PXDNL: variants seen among roughly 807,000 people sequenced by gnomAD.
PXDNL encodes peroxidasin like.
PXDNL carries 145 observed loss-of-function variants against 150.8 expected under a neutral mutation model. The observed-to-expected ratio is 0.96, with a 90% CI of 0.84 to 1.10. The LOEUF is 1.10. Ranked by LOEUF, PXDNL falls within the 50% of genes least tolerant of loss-of-function variation. PXDNL has a pLI of 0.00. For synonymous variants in PXDNL, 757 were observed against 725.7 expected, an observed-to-expected ratio of 1.04 and a Z score of -0.69; for missense variants, 2,087 against 1,873.9, an observed-to-expected ratio of 1.11 and a Z score of -2.10.
chr8:51,346,033 G>A, intron 19 of PXDNL, 86 bp from the exon 20 acceptor site: 2 of 790,798 alleles, frequency 2.5e-6, no homozygotes, highest in Non-Finnish European at 2.1e-6. Flanking sequence ...CAGTCAGAGA[G>A]GGCAAGAGTA....
chr8:51,527,129 T>C (rs1026960653), intron 4 of PXDNL, among the ~76,000 whole-genome samples: 1 of 152,194 alleles, frequency 6.6e-6, no homozygotes, highest in African/African-American at 2.4e-5. Context: ...GCCTATTTCT[T>C]GAAGAGTTGC....
intron 19 of PXDNL, among the ~76,000 whole-genome samples, chr8:51,368,485 A>T (rs1213118308): frequency 6.6e-6 from 1 of 152,218 alleles, no homozygotes; most frequent in Non-Finnish European, 1.5e-5. Flanking sequence ...TGCTGGTATC[A>T]GTATTAACCA....
chr8:51,416,268 C>T (rs767142514), intron 14 of PXDNL, among the ~76,000 whole-genome samples: 3 of 152,152 alleles, frequency 2.0e-5, no homozygotes, highest in Non-Finnish European at 2.9e-5. Flanking sequence ...GGACATAGTG[C>T]TATTGAGATG....
chr8:51,334,464 C>A (rs1805783140), intron 21 of PXDNL, among the ~76,000 whole-genome samples: 1 of 151,750 alleles, frequency 6.6e-6, no homozygotes, highest in African/African-American at 2.4e-5. Context: ...AGGAAATTAC[C>A]AAGATCAGAG....
intron 1 of PXDNL, among the ~76,000 whole-genome samples, chr8:51,749,847 C>T (rs574114748): frequency 3.7e-4 from 56 of 152,166 alleles, no homozygotes; most frequent in African/African-American, 1.3e-3. Context: ...ATTACAGGCA[C>T]GTACCACCAT....
chr8:51,743,969 G>A (rs1352687561), intron 1 of PXDNL, among the ~76,000 whole-genome samples: 21 of 16,776 alleles, frequency 1.3e-3, no homozygotes, highest in African/African-American at 1.9e-3. Flanking sequence ...AAAAGAGAGA[G>A]AAAAAAGAAA....
chr8:51,769,997 C>A (rs1261423358), intron 1 of PXDNL, among the ~76,000 whole-genome samples: 7 of 152,168 alleles, frequency 4.6e-5, no homozygotes, highest in Non-Finnish European at 8.8e-5. Flanking sequence ...CATGGTAATG[C>A]TATTTTGTGA....
intron 19 of PXDNL, among the ~76,000 whole-genome samples, chr8:51,366,970 G>A (rs1806940017): frequency 6.6e-6 from 1 of 151,534 alleles, no homozygotes; most frequent in Non-Finnish European, 1.5e-5. Flanking sequence ...GTGTGGTGGT[G>A]GGCACCTGTA....
chr8:51,476,150 G>C (rs372261055), intron 6 of PXDNL, among the ~76,000 whole-genome samples: 1 of 152,164 alleles, frequency 6.6e-6, no homozygotes, highest in Non-Finnish European at 1.5e-5. Context: ...GTTCCAGTTT[G>C]CTTTGTTTAT....
intron 1 of PXDNL, among the ~76,000 whole-genome samples, chr8:51,801,536 A>G (rs1342242907): frequency 6.6e-6 from 1 of 152,174 alleles, no homozygotes; most frequent in East Asian, 1.9e-4. Flanking sequence ...ACCTACTGAT[A>G]TGTGATGTCA....
At chr8:51,730,218 T>TGAC (rs35332942) in intron 1 of PXDNL, among the ~76,000 whole-genome samples, 3 of 151,352 alleles carry the variant, frequency 2.0e-5, no homozygotes, top group Non-Finnish European at 4.4e-5. Flanking sequence ...AGATGGCATA[T>TGAC]GGGCCCTCTC....
chr8:51,418,080 C>T (rs1333723327), intron 14 of PXDNL, among the ~76,000 whole-genome samples: 4 of 152,114 alleles, frequency 2.6e-5, no homozygotes, highest in African/African-American at 9.7e-5. Context: ...GAGCATTTAT[C>T]TCAGGATAGA....
chr8:51,461,145 C>G (rs555916333), intron 8 of PXDNL, among the ~76,000 whole-genome samples: 1 of 152,320 alleles, frequency 6.6e-6, no homozygotes, highest in South Asian at 2.1e-4. Flanking sequence ...ACCACAGGCC[C>G]AATCCCACCC....
intron 1 of PXDNL, among the ~76,000 whole-genome samples, chr8:51,774,480 A>G (rs749528282): frequency 6.6e-6 from 1 of 152,216 alleles, no homozygotes; most frequent in African/African-American, 2.4e-5. Flanking sequence ...TAATTTAACC[A>G]TGTAAACCTT....
intron 5 of PXDNL, among the ~76,000 whole-genome samples, chr8:51,484,993 T>C (rs1302856714): frequency 6.6e-6 from 1 of 152,200 alleles, no homozygotes; most frequent in Non-Finnish European, 1.5e-5. Flanking sequence ...TGAGCATAAA[T>C]AATCAATTTA....
At chr8:51,600,595 A>G (rs1585610644) in intron 2 of PXDNL, among the ~76,000 whole-genome samples, 1 of 136,180 alleles carries the variant, frequency 7.3e-6, no homozygotes, top group East Asian at 2.1e-4. Flanking sequence ...TCTTATATAA[A>G]TTATATCGTT....
intron 2 of PXDNL, among the ~76,000 whole-genome samples, chr8:51,606,761 T>C (rs1183876219): frequency 6.6e-6 from 1 of 151,614 alleles, no homozygotes; most frequent in Non-Finnish European, 1.5e-5. Context: ...ATAACCAATA[T>C]AAAAATTATA....
In PXDNL at chr8:51,437,398, C is replaced by G. The variant is rs1809433931; in HGVS notation, c.1525+9606G>C. 2.0e-5 allele frequency among the ~76,000 whole-genome samples: 3 copies of G among 152,072 alleles called. No homozygotes were observed. The South Asian group carries it at 6.2e-4, about 32-fold the overall frequency. On this transcript the variant is annotated intron_variant, in intron 12 of 22. Coordinates refer to ENST00000356297, the MANE Select transcript of PXDNL (RefSeq NM_144651.5). ...AGGACATAACAGAAAAAGAAAACTA[C>G]AGACCAATATCCCTGATGAATATAG... is the stretch of plus-strand genomic sequence containing the variant.
chr8:51,584,809 G>A (rs1813288697), intron 3 of PXDNL, among the ~76,000 whole-genome samples: 1 of 152,164 alleles, frequency 6.6e-6, no homozygotes, highest in Non-Finnish European at 1.5e-5. Flanking sequence ...GGGAGCCATT[G>A]AAGAACCCTA....
Sources: gnomAD v4.1 joint callset for allele counts (sites outside exome capture counted in the v4.1 genomes callset) on GRCh38, gnomAD v4.1.1 for gene constraint, MANE v1.5 for transcripts, NCBI Gene and HGNC (gene_info 2026-07-23, HGNC 2026-07-21) for gene names.